The following ALOX5AP variants were observed in gnomAD, a reference collection of about 807,000 sequenced individuals.
ALOX5AP encodes arachidonate 5-lipoxygenase activating protein.
ALOX5AP carries 9 observed loss-of-function variants against 18.5 expected under a neutral mutation model. That is an observed-to-expected ratio of 0.49 (90% CI 0.29 to 0.85). The LOEUF is 0.85. Ranked by LOEUF, ALOX5AP falls within the 40% of genes least tolerant of loss-of-function variation. ALOX5AP has a pLI of 0.08. For synonymous variants in ALOX5AP, 81 were observed against 78.6 expected (o/e 1.03, Z -0.16); for missense variants, 172 against 202.5 (o/e 0.85, Z 0.91).
intron 2 of ALOX5AP, among the ~76,000 whole-genome samples, chr13:30,749,876 T>G (rs1288390780): frequency 6.6e-6 from 1 of 152,156 alleles, no homozygotes; most frequent in African/African-American, 2.4e-5. Flanking sequence ...CTCTCTGGGT[T>G]CTCTGCAGGG....
intron 1 of ALOX5AP, among the ~76,000 whole-genome samples, chr13:30,717,675 T>C (rs1026551527): frequency 6.6e-6 from 1 of 152,198 alleles, no homozygotes; most frequent in African/African-American, 2.4e-5. Context: ...TGCAGGAGCT[T>C]CTGTCCATGT....
intron 4 of ALOX5AP, among the ~76,000 whole-genome samples, chr13:30,760,288 C>G (rs925948063): frequency 6.6e-6 from 1 of 151,298 alleles, no homozygotes; most frequent in African/African-American, 2.4e-5. Context: ...TGGCGGGGGG[C>G]CACAGAGAGC....
upstream of ALOX5AP, among the ~76,000 whole-genome samples, chr13:30,734,259 T>C (rs577185489): frequency 6.6e-6 from 1 of 152,204 alleles, no homozygotes; most frequent in East Asian, 1.9e-4. Flanking sequence ...CGCACACAAC[T>C]CTGCACGCTG....
intron 1 of ALOX5AP, among the ~76,000 whole-genome samples, chr13:30,725,926 G>T (rs1951636095): frequency 6.6e-6 from 1 of 152,158 alleles, no homozygotes; most frequent in Non-Finnish European, 1.5e-5. Context: ...CACCCTGCTG[G>T]CCTGGGGTTA....
chr13:30,760,171 A>G (rs1315459938), intron 4 of ALOX5AP, among the ~76,000 whole-genome samples: 1 of 152,052 alleles, frequency 6.6e-6, no homozygotes, highest in Non-Finnish European at 1.5e-5. Flanking sequence ...TAAATTCTGA[A>G]AAGAACAGAT....
upstream of ALOX5AP, among the ~76,000 whole-genome samples, chr13:30,732,895 C>T (rs1951692605): frequency 6.6e-6 from 1 of 152,000 alleles, no homozygotes; most frequent in Admixed American, 6.6e-5. Context: ...GTGGCTCACG[C>T]CTGTAATCTC....
upstream of ALOX5AP, among the ~76,000 whole-genome samples, chr13:30,731,987 G>C (rs1463931632): frequency 3.3e-5 from 5 of 152,216 alleles, no homozygotes; most frequent in African/African-American, 4.8e-5. Flanking sequence ...ATTTCCAAAG[G>C]CTTCACCTCT....
intron 4 of ALOX5AP, among the ~76,000 whole-genome samples, chr13:30,759,829 G>A (rs1414892686): frequency 6.6e-6 from 1 of 152,154 alleles, no homozygotes; most frequent in Non-Finnish European, 1.5e-5. Flanking sequence ...ATCATCTGTG[G>A]TGCTTATTAA....
At chr13:30,757,884 A>G (rs988689034) in intron 4 of ALOX5AP, among the ~76,000 whole-genome samples, 4 of 152,184 alleles carry the variant, frequency 2.6e-5, no homozygotes, top group African/African-American at 9.6e-5. Flanking sequence ...TTCGGACCTC[A>G]TTGAAATATA....
chr13:30,733,729 C>T (rs116515838), upstream of ALOX5AP, among the ~76,000 whole-genome samples: 357 of 152,310 alleles, frequency 2.3e-3, 1 homozygote, highest in African/African-American at 8.2e-3. Flanking sequence ...TGTCATCAAT[C>T]CACTGAGGGC....
chr13:30,749,626 G>A (rs539519556), intron 2 of ALOX5AP, among the ~76,000 whole-genome samples: 1 of 152,296 alleles, frequency 6.6e-6, no homozygotes, highest in South Asian at 2.1e-4. Flanking sequence ...TAAATTTGTA[G>A]GGGCCTCCTG....
At chr13:30,730,558 C>T (rs965183220), upstream of ALOX5AP, among the ~76,000 whole-genome samples, 1 of 152,234 alleles carries the variant, frequency 6.6e-6, no homozygotes, top group Non-Finnish European at 1.5e-5. Flanking sequence ...CCACCTCCTG[C>T]TCCTTCTCCC....
intron 3 of ALOX5AP, 104 bp downstream of exon 3, chr13:30,752,226 C>A: frequency 8.3e-7 from 1 of 1,210,292 alleles, no homozygotes; most frequent in Non-Finnish European, 1.2e-6. Flanking sequence ...ACCTCTGGCT[C>A]CCATCTGTGA....
At position 30,735,686 on chromosome 13, in the gene ALOX5AP, C is replaced by G. The variant is rs766297631; in HGVS notation, c.70+11C>G. The G allele has an allele frequency of 6.2e-7, 1 of 1,613,940 alleles. No homozygotes were observed. On this transcript the variant is annotated intron_variant, in intron 1 of 4. Coordinates refer to ENST00000380490, the MANE Select transcript of ALOX5AP (RefSeq NM_001629.4). ...GCGTGGTCCAGAATGGTAAGGAAAGCCCTTCACTCAGGGAAGAACAGAAGG... is the reference window on the plus strand; with the variant it reads ...GCGTGGTCCAGAATGGTAAGGAAAGGCCTTCACTCAGGGAAGAACAGAAGG...
chr13:30,715,757 A>G (rs1446957637), intron 1 of ALOX5AP, among the ~76,000 whole-genome samples: 1 of 152,124 alleles, frequency 6.6e-6, no homozygotes, highest in Non-Finnish European at 1.5e-5. Flanking sequence ...TTCATAACAC[A>G]TGATCATCCC....
intron 4 of ALOX5AP, among the ~76,000 whole-genome samples, chr13:30,759,753 G>A (rs1951925812): frequency 6.6e-6 from 1 of 152,126 alleles, no homozygotes; most frequent in Non-Finnish European, 1.5e-5. Context: ...TGGAAGGCCG[G>A]GGAGCATAGA....
Position 30,724,550 on chromosome 13 carries a change from T to A in ALOX5AP, c.116+10709T>A, listed in dbSNP as rs560419089. Among the ~76,000 whole-genome samples the A allele has an allele frequency of 5.9e-5, 9 of 152,304 alleles. No homozygotes were observed. The South Asian group carries it at 1.5e-3, about 25-fold the overall frequency. ...AAGTGGCTGTGATGGAAAAGGAGGC[T>A]GTTTGGAGCCTTTGGAGTGCCTTTA... On this transcript the variant is annotated intron_variant, in intron 1 of 5. Transcript: ENST00000617770.
At chr13:30,735,436 A>AAC, upstream of ALOX5AP, 1 of 3,212 alleles carries the variant, frequency 3.1e-4, no homozygotes, top group South Asian at 0.017. Flanking sequence ...TGGTTAGTTA[A>AAC]AAAAAAAAAA....
At chr13:30,755,657 A>G (rs1340545523) in intron 3 of ALOX5AP, among the ~76,000 whole-genome samples, 1 of 152,244 alleles carries the variant, frequency 6.6e-6, no homozygotes, top group Non-Finnish European at 1.5e-5. Context: ...CATATTTTTA[A>G]GAAAGTTTAT....
Sources: gnomAD v4.1 joint callset for allele counts (sites outside exome capture counted in the v4.1 genomes callset) on GRCh38, gnomAD v4.1.1 for gene constraint, MANE v1.5 for transcripts, NCBI Gene and HGNC (gene_info 2026-07-23, HGNC 2026-07-21) for gene names.